TESK2: variants seen among roughly 807,000 people sequenced by gnomAD.
The protein encoded by TESK2 is testis associated actin remodelling kinase 2.
In TESK2, 39 loss-of-function variants were observed where a neutral mutation model predicts 57.1. The observed-to-expected ratio is 0.68, with a 90% CI of 0.53 to 0.89. The LOEUF is 0.89. Ranked by LOEUF, TESK2 falls within the 40% of genes least tolerant of loss-of-function variation. The pLI, the probability that TESK2 is intolerant of heterozygous loss-of-function variation, is 0.00. For missense variants in TESK2, 646 were observed against 732.1 expected, an observed-to-expected ratio of 0.88 and a Z score of 1.36; for synonymous variants, 249 against 267.9, an observed-to-expected ratio of 0.93 and a Z score of 0.69.
intron 4 of TESK2, among the ~76,000 whole-genome samples, chr1:45,358,185 C>T (rs180756371): frequency 9.3e-4 from 140 of 151,156 alleles, no homozygotes; most frequent in African/African-American, 3.3e-3. Context: ...TGGTTGCAGG[C>T]GCCTGTAGTC....
intron 1 of TESK2, among the ~76,000 whole-genome samples, chr1:45,480,292 C>A (rs1173759149): frequency 4.0e-5 from 6 of 151,560 alleles, no homozygotes; most frequent in East Asian, 2.0e-4. Flanking sequence ...AACCCCATCT[C>A]TATTAAAATA....
At chr1:45,477,741 A>G (rs1333093505) in intron 1 of TESK2, among the ~76,000 whole-genome samples, 1 of 152,236 alleles carries the variant, frequency 6.6e-6, no homozygotes, top group East Asian at 1.9e-4. Flanking sequence ...TCTGTTGCTT[A>G]TAAAATTCTT....
intron 3 of TESK2, chr1:45,415,041 T>A: frequency 8.5e-7 from 1 of 1,179,996 alleles, no homozygotes; most frequent in Non-Finnish European, 1.2e-6. Flanking sequence ...CCCACCATGT[T>A]CTTCAACATC....
At chr1:45,461,543 T>TC (rs756185424) in intron 1 of TESK2, among the ~76,000 whole-genome samples, 11 of 152,316 alleles carry the variant, frequency 7.2e-5, no homozygotes, top group Admixed American at 6.5e-4. Context: ...TCAGTATTTT[T>TC]CCACTATGAG....
intron 2 of TESK2, among the ~76,000 whole-genome samples, 187 bp from the exon 3 acceptor site, chr1:45,422,033 C>T (rs1490494352): frequency 6.6e-6 from 1 of 152,160 alleles, no homozygotes; most frequent in Non-Finnish European, 1.5e-5. Flanking sequence ...AGTATTATTT[C>T]ACATTGAGTT....
intron 3 of TESK2, among the ~76,000 whole-genome samples, chr1:45,408,333 AT>A (rs1015104223): frequency 4.6e-5 from 7 of 151,216 alleles, no homozygotes; most frequent in Admixed American, 6.6e-5. Flanking sequence ...TTTGTATGGG[AT>A]TTTTTTTTAA....
chr1:45,426,722 A>C (rs1650709542), intron 2 of TESK2, among the ~76,000 whole-genome samples: 1 of 152,242 alleles, frequency 6.6e-6, no homozygotes, highest in Non-Finnish European at 1.5e-5. Flanking sequence ...ACCAGAATAT[A>C]TAAGAAGTTC....
intron 2 of TESK2, among the ~76,000 whole-genome samples, chr1:45,429,133 G>A (rs1650842315): frequency 6.6e-6 from 1 of 152,164 alleles, no homozygotes; most frequent in African/African-American, 2.4e-5. Flanking sequence ...TAAATATTAT[G>A]AGACATTTTA....
chr1:45,379,771 G>C (rs1648574234), intron 4 of TESK2, among the ~76,000 whole-genome samples: 1 of 152,220 alleles, frequency 6.6e-6, no homozygotes, highest in South Asian at 2.1e-4. Context: ...CTGCTCGACT[G>C]AGATGGCTCT....
At chr1:45,386,942 G>A (rs1396785909) in intron 3 of TESK2, among the ~76,000 whole-genome samples, 2 of 152,032 alleles carry the variant, frequency 1.3e-5, no homozygotes, top group Admixed American at 6.6e-5. Context: ...GTGAGCCACC[G>A]CACCCAGCCC....
At position 45,435,000 on chromosome 1, in the gene TESK2, C is replaced by G. The variant is rs1316520679; in HGVS notation, c.223-13154G>C. On this transcript the variant is annotated intron_variant, in intron 2 of 10. Coordinates refer to ENST00000372086, the MANE Select transcript of TESK2 (RefSeq NM_007170.3). Reference sequence around the variant, plus strand: ...TTTTTTTGAGACAAGGTCTCTCTCTCTTACCAAGGCTGGAGTGCAGTGGCT... The same window carrying G: ...TTTTTTTGAGACAAGGTCTCTCTCTGTTACCAAGGCTGGAGTGCAGTGGCT... Among the ~76,000 whole-genome samples, 4 of 146,476 alleles carry G rather than the reference C, an allele frequency of 2.7e-5. No individual in the cohort carries two copies. The Admixed American group carries it at 2.8e-4, about 10-fold the overall frequency.
At chr1:45,454,476 G>A (rs996000465) in intron 2 of TESK2, among the ~76,000 whole-genome samples, 4 of 150,754 alleles carry the variant, frequency 2.7e-5, no homozygotes, top group African/African-American at 7.3e-5. Flanking sequence ...ACAGAGTTTC[G>A]TCATGTTGCC....
chr1:45,464,390 C>T (rs1380377883), intron 1 of TESK2, among the ~76,000 whole-genome samples: 1 of 149,774 alleles, frequency 6.7e-6, no homozygotes, highest in East Asian at 1.9e-4. Flanking sequence ...CATCACTGCA[C>T]TCCAGCCTTG....
intron 1 of TESK2, among the ~76,000 whole-genome samples, chr1:45,481,364 C>CA (rs956158170): frequency 2.7e-4 from 40 of 147,202 alleles, no homozygotes; most frequent in South Asian, 1.1e-3. Flanking sequence ...CACTCCGTCT[C>CA]AAAAAAAAAA....
At chr1:45,357,570 A>G (rs1018886259) in intron 4 of TESK2, among the ~76,000 whole-genome samples, 2 of 151,940 alleles carry the variant, frequency 1.3e-5, no homozygotes, top group African/African-American at 2.4e-5. Flanking sequence ...AAAAAAAAAA[A>G]AAAAGAAAAA....
intron 4 of TESK2, among the ~76,000 whole-genome samples, chr1:45,370,002 C>T (rs545337391): frequency 8.4e-4 from 128 of 152,102 alleles, no homozygotes; most frequent in Non-Finnish European, 1.5e-3. Context: ...TCAGCCACCG[C>T]GTCCAGCCAG....
Position 45,346,877 on chromosome 1 carries a change from C to A in TESK2, c.793-98G>T, listed in dbSNP as rs745523008. 3.0e-5 allele frequency: 46 copies of A among 1,542,356 alleles called. No homozygotes were observed. In the Middle Eastern group the frequency reaches 5.1e-4, roughly 17 times the overall value. ...AGTGGTTGGGAGCTGCCCCTGACAA[C>A]CAGCAACAGAGAGTTCCAGCAAGTC... is the stretch of plus-strand genomic sequence containing the variant. On this transcript the variant is annotated intron_variant, in intron 8 of 10. Coordinates refer to ENST00000372086, the MANE Select transcript of TESK2 (RefSeq NM_007170.3).
intron 2 of TESK2, among the ~76,000 whole-genome samples, chr1:45,428,920 C>G (rs1650830830): frequency 7.0e-6 from 1 of 142,152 alleles, no homozygotes; most frequent in Non-Finnish European, 1.5e-5. Context: ...CTCCCGGGTT[C>G]ACGCCATTCT....
chr1:45,377,420 ATT>A (rs752265198), intron 4 of TESK2, among the ~76,000 whole-genome samples: 18 of 134,650 alleles, frequency 1.3e-4, no homozygotes, highest in East Asian at 2.2e-4. Flanking sequence ...GAGAACAAGG[ATT>A]TTTTTTTTTT....
Sources: gnomAD v4.1 joint callset for allele counts (sites outside exome capture counted in the v4.1 genomes callset) on GRCh38, gnomAD v4.1.1 for gene constraint, MANE v1.5 for transcripts, NCBI Gene and HGNC (gene_info 2026-07-23, HGNC 2026-07-21) for gene names.